The following SLC4A4 variants were observed in gnomAD, a reference collection of about 807,000 sequenced individuals.
SLC4A4 encodes electrogenic sodium bicarbonate cotransporter 1.
Under a neutral mutation model 111.5 loss-of-function variants are expected in SLC4A4, and 27 were observed. The observed-to-expected ratio is 0.24, with a 90% CI of 0.18 to 0.33. The LOEUF (loss-of-function observed/expected upper bound fraction) is 0.33, where lower values mean the gene tolerates loss of function less well. Among genes scored for constraint, SLC4A4 ranks in the 10% least tolerant of loss-of-function variants. The pLI, the probability that SLC4A4 is intolerant of heterozygous loss-of-function variation, is 1.00. For synonymous variants in SLC4A4, 443 were observed against 463.4 expected, an observed-to-expected ratio of 0.96 and a Z score of 0.57; for missense variants, 909 against 1,315.5, an observed-to-expected ratio of 0.69 and a Z score of 4.78.
intron 7 of SLC4A4, among the ~76,000 whole-genome samples, chr4:71,427,891 C>T (rs1316935610): frequency 3.9e-5 from 6 of 152,092 alleles, no homozygotes; most frequent in South Asian, 2.1e-4. Flanking sequence ...AAACAGACTC[C>T]GAGTAAACTT....
intron 2 of SLC4A4, among the ~76,000 whole-genome samples, chr4:71,158,056 C>A (rs943167340): frequency 4.8e-5 from 7 of 147,302 alleles, no homozygotes; most frequent in Non-Finnish European, 8.9e-5. Flanking sequence ...GGGAAAAGAC[C>A]AATTAAAAAA....
chr4:71,223,097 T>G (rs1476952486), intron 1 of SLC4A4, among the ~76,000 whole-genome samples: 1 of 152,204 alleles, frequency 6.6e-6, no homozygotes, highest in Non-Finnish European at 1.5e-5. Flanking sequence ...GTGAGTCTAC[T>G]CTTTCACTAA....
chr4:71,213,154 T>C (rs989980134), intron 1 of SLC4A4, among the ~76,000 whole-genome samples: 2 of 152,248 alleles, frequency 1.3e-5, no homozygotes, highest in Non-Finnish European at 2.9e-5. Context: ...GATGCATTTC[T>C]TGGAATGTTT....
intron 18 of SLC4A4, among the ~76,000 whole-genome samples, chr4:71,538,095 T>C (rs1443621023): frequency 3.3e-5 from 2 of 61,260 alleles, no homozygotes; most frequent in Non-Finnish European, 9.2e-5. Context: ...AAATGGTTGT[T>C]GACTAATATT....
intron 2 of SLC4A4, among the ~76,000 whole-genome samples, chr4:71,146,746 C>A (rs1194453378): frequency 6.6e-6 from 1 of 152,102 alleles, no homozygotes; most frequent in South Asian, 2.1e-4. Flanking sequence ...AAGCACTAAA[C>A]ATGGAAAGGA....
intron 2 of SLC4A4, among the ~76,000 whole-genome samples, chr4:71,129,084 C>A (rs1402578054): frequency 5.9e-5 from 9 of 152,088 alleles, no homozygotes; most frequent in Non-Finnish European, 1.3e-4. Flanking sequence ...ATGCCAAAAG[C>A]AAGTGCAACA....
At chr4:71,225,468 G>A (rs1339436113) in intron 1 of SLC4A4, among the ~76,000 whole-genome samples, 2 of 152,074 alleles carry the variant, frequency 1.3e-5, no homozygotes, top group Non-Finnish European at 2.9e-5. Context: ...GATAAAATAA[G>A]ATGGCATCCA....
intron 16 of SLC4A4, among the ~76,000 whole-genome samples, chr4:71,513,293 C>A (rs1732090139): frequency 6.6e-6 from 1 of 151,894 alleles, no homozygotes; most frequent in Non-Finnish European, 1.5e-5. Context: ...CTATTTGTGG[C>A]CTCTTCATTT....
intron 1 of SLC4A4, among the ~76,000 whole-genome samples, chr4:71,204,973 A>G (rs1022409947): frequency 4.6e-5 from 7 of 152,232 alleles, no homozygotes; most frequent in Admixed American, 1.3e-4. Flanking sequence ...ACTGGATTTA[A>G]CGCATACATC....
intron 19 of SLC4A4, 85 bp from the exon 20 acceptor site, chr4:71,547,563 A>G (rs1735643393): frequency 3.8e-6 from 4 of 1,058,986 alleles, no homozygotes; most frequent in Non-Finnish European, 5.9e-6. Context: ...GATTTTGTCA[A>G]TGTGTAGTTT....
At chr4:71,133,714 G>A (rs1743770000) in intron 2 of SLC4A4, among the ~76,000 whole-genome samples, 3 of 152,214 alleles carry the variant, frequency 2.0e-5, no homozygotes, top group South Asian at 2.1e-4. Context: ...CCTAGGAAGT[G>A]TGACTCATTG....
At chr4:71,306,199 C>G (rs1725673051) in intron 3 of SLC4A4, among the ~76,000 whole-genome samples, 1 of 152,186 alleles carries the variant, frequency 6.6e-6, no homozygotes, top group Non-Finnish European at 1.5e-5. Context: ...AGTCAGACTT[C>G]CTGGTTTCAG....
At chr4:71,429,802 C>G (rs367802212) in intron 7 of SLC4A4, among the ~76,000 whole-genome samples, 1 of 152,142 alleles carries the variant, frequency 6.6e-6, no homozygotes, top group Non-Finnish European at 1.5e-5. Context: ...TGTTCAACTT[C>G]ACCATAGGAA....
At chr4:71,301,161 G>A in intron 3 of SLC4A4, 2 of 318,516 alleles carry the variant, frequency 6.3e-6, no homozygotes, top group South Asian at 2.9e-5. Flanking sequence ...GCAGTAGATA[G>A]GAGCAGCATC....
At chr4:71,541,493 AC>A (rs1213875782) in intron 18 of SLC4A4, among the ~76,000 whole-genome samples, 1 of 152,150 alleles carries the variant, frequency 6.6e-6, no homozygotes, top group Non-Finnish European at 1.5e-5. Context: ...GTGCAGGAGC[AC>A]AGAATATGCA....
At chr4:71,490,712 C>T (rs903493312) in intron 15 of SLC4A4, among the ~76,000 whole-genome samples, 3 of 151,908 alleles carry the variant, frequency 2.0e-5, no homozygotes, top group Non-Finnish European at 1.5e-5. Context: ...CCCAGTCTTT[C>T]GTGTATTACC....
intron 18 of SLC4A4, among the ~76,000 whole-genome samples, chr4:71,541,942 T>C (rs1382089839): frequency 6.6e-6 from 1 of 152,180 alleles, no homozygotes; most frequent in Non-Finnish European, 1.5e-5. Flanking sequence ...ATTTGAATAT[T>C]ATTTTTATTC....
At chr4:71,144,875 C>T (rs572625730) in intron 2 of SLC4A4, among the ~76,000 whole-genome samples, 1 of 152,126 alleles carries the variant, frequency 6.6e-6, no homozygotes, top group Non-Finnish European at 1.5e-5. Context: ...TCTAGATATA[C>T]AATCATGTCA....
chr4:71,380,028 G>A (rs188536868), intron 6 of SLC4A4, among the ~76,000 whole-genome samples: 96 of 152,112 alleles, frequency 6.3e-4, no homozygotes, highest in African/African-American at 2.0e-3. Flanking sequence ...GAGAAAAGAT[G>A]AGGTAACGTA....
Sources: gnomAD v4.1 joint callset for allele counts (sites outside exome capture counted in the v4.1 genomes callset) on GRCh38, gnomAD v4.1.1 for gene constraint, MANE v1.5 for transcripts, NCBI Gene and HGNC (gene_info 2026-07-23, HGNC 2026-07-21) for gene names.